The following CNTNAP2 variants were observed in gnomAD, a reference collection of about 807,000 sequenced individuals.
The protein encoded by CNTNAP2 is contactin-associated protein-like 2.
Under a neutral mutation model 155.2 loss-of-function variants are expected in CNTNAP2, and 98 were observed. That is an observed-to-expected ratio of 0.63 (90% CI 0.54 to 0.75). The LOEUF is 0.75. Ranked by LOEUF, CNTNAP2 falls within the 30% of genes least tolerant of loss-of-function variation. The pLI, the probability that CNTNAP2 is intolerant of heterozygous loss-of-function variation, is 0.00. For missense variants in CNTNAP2, 1,727 were observed against 1,688.1 expected, an observed-to-expected ratio of 1.02 and a Z score of -0.40; for synonymous variants, 651 against 631.2, an observed-to-expected ratio of 1.03 and a Z score of -0.47.
intron 12 of CNTNAP2, among the ~76,000 whole-genome samples, chr7:147,563,024 A>G (rs1441274030): frequency 5.3e-5 from 8 of 152,194 alleles, no homozygotes; most frequent in Non-Finnish European, 8.8e-5. Flanking sequence ...TACTGATGGT[A>G]GTTACTGAGT....
At position 146,760,409 on chromosome 7, in the gene CNTNAP2, C is replaced by CTTT. The variant is rs532820418; in HGVS notation, c.98-13831_98-13829dup. Among the ~76,000 whole-genome samples the CTTT allele has an allele frequency of 2.7e-3, 151 of 56,298 alleles. 15 individuals carry two copies. Among genetic ancestry groups the CTTT allele is most frequent in the African/African-American group, 4.3e-3 (51 of 11,804 alleles). 36.9% of individuals were successfully genotyped at this position (56,298 alleles called of 152,430 possible). On this transcript the variant is annotated intron_variant, in intron 1 of 23. Coordinates refer to ENST00000361727, the MANE Select transcript of CNTNAP2 (RefSeq NM_014141.6). The stretch of plus-strand genomic sequence containing the variant: ...CACCTCTGTATCATCTCCAATTTAC[C>CTTT]TTTTTTTTTTTTTTTTTTTTTTTTT...
chr7:148,363,862 A>T (rs1478511900), intron 21 of CNTNAP2, among the ~76,000 whole-genome samples: 3 of 122,664 alleles, frequency 2.4e-5, no homozygotes, highest in Admixed American at 7.6e-5. Flanking sequence ...GGCCAGCTGG[A>T]GTTCCGGGTG....
At position 147,247,364 on chromosome 7, in the gene CNTNAP2, T is replaced by C. The variant is rs147555434; in HGVS notation, c.1349-52777T>C. ...CTATAATGCCCATCAAAACAGTCAA[T>C]AAGAATCACAGATCTGTGGCACCAT... On this transcript the variant is annotated intron_variant, in intron 8 of 23. Transcript: ENST00000361727. 6.2e-3 allele frequency among the ~76,000 whole-genome samples: 941 copies of C among 152,254 alleles called. 7 individuals carry two copies. Among genetic ancestry groups the C allele is most frequent in the Non-Finnish European group, 0.01 (703 of 68,010 alleles).
Position 146,157,591 on chromosome 7 carries a change from C to T in CNTNAP2, c.97+40618C>T, listed in dbSNP as rs184147541. 2.6e-4 allele frequency among the ~76,000 whole-genome samples: 39 copies of T among 152,288 alleles called. No homozygotes were observed. In the East Asian group the frequency reaches 4.4e-3, roughly 17 times the overall value. ...AATGGCACACCAGGACATTATATCC[C>T]GTGCATGGCTTGGAGGGTCCCATGC... On this transcript the variant is annotated intron_variant, in intron 1 of 23. Coordinates refer to ENST00000361727, the MANE Select transcript of CNTNAP2 (RefSeq NM_014141.6).
chr7:146,417,351 C>G (rs1795951348), intron 1 of CNTNAP2, among the ~76,000 whole-genome samples: 1 of 152,270 alleles, frequency 6.6e-6, no homozygotes, highest in South Asian at 2.1e-4. Flanking sequence ...GATGTAGCAG[C>G]AATCTTTGTT....
intron 1 of CNTNAP2, among the ~76,000 whole-genome samples, chr7:146,612,801 A>G (rs1289053697): frequency 6.6e-6 from 1 of 152,128 alleles, no homozygotes. Flanking sequence ...TTAATCTGAA[A>G]AATTTTTTTA....
intron 2 of CNTNAP2, among the ~76,000 whole-genome samples, chr7:146,818,809 C>T (rs182374664): frequency 3.0e-4 from 45 of 151,860 alleles, no homozygotes; most frequent in Non-Finnish European, 6.2e-4. Flanking sequence ...ATAAGAAAAA[C>T]GATATCACAA....
intron 8 of CNTNAP2, among the ~76,000 whole-genome samples, chr7:147,159,625 A>C (rs10085609): frequency 0.11 from 16,906 of 152,162 alleles, 1,473 homozygotes; most frequent in African/African-American, 0.25. Context: ...GTTTTAGTCA[A>C]CCATATGTTC....
intron 5 of CNTNAP2, among the ~76,000 whole-genome samples, chr7:147,114,246 A>G (rs1284858352): frequency 1.3e-5 from 2 of 152,130 alleles, no homozygotes; most frequent in Admixed American, 6.6e-5. Flanking sequence ...CATCAATTTT[A>G]GAGTAAGTGC....
intron 9 of CNTNAP2, among the ~76,000 whole-genome samples, chr7:147,390,170 C>T (rs1212647260): frequency 6.6e-6 from 1 of 152,112 alleles, no homozygotes; most frequent in Non-Finnish European, 1.5e-5. Flanking sequence ...ATCAGAGATC[C>T]AACATCTTTA....
In CNTNAP2 at chr7:147,957,196, A is replaced by T. The variant is rs377113739; in HGVS notation, c.2256-20666A>T. 5.5e-4 allele frequency among the ~76,000 whole-genome samples: 84 copies of T among 152,334 alleles called. 2 individuals carry two copies. In the South Asian group the frequency reaches 0.017, roughly 30 times the overall value. ...ATTGACAGGAACTAAATGGGTTAGC[A>T]TGGGTTAGCAGAGAATGAGATGTAA... is the stretch of plus-strand genomic sequence containing the variant. On this transcript the variant is annotated intron_variant, in intron 14 of 23. Transcript: ENST00000361727.
chr7:146,235,472 G>A (rs1382651765), intron 1 of CNTNAP2, among the ~76,000 whole-genome samples: 1 of 152,110 alleles, frequency 6.6e-6, no homozygotes, highest in Non-Finnish European at 1.5e-5. Flanking sequence ...GATGTAGATA[G>A]AAAAGAAAAG....
Position 147,849,579 on chromosome 7 carries a change from A to T in CNTNAP2, c.2099-53986A>T, listed in dbSNP as rs1293272390. On this transcript the variant is annotated intron_variant, in intron 13 of 23. Coordinates refer to ENST00000361727, the MANE Select transcript of CNTNAP2 (RefSeq NM_014141.6). ...TAAGATGAATCACGTCTTTATTTTG[A>T]TAAGTATCCACAGGACACCCATTTG... Among the ~76,000 whole-genome samples the T allele has an allele frequency of 2.0e-5, 3 of 152,352 alleles. No individual in the cohort carries two copies. The South Asian group carries it at 6.2e-4, about 32-fold the overall frequency.
chr7:146,872,430 T>G (rs2129207509), intron 3 of CNTNAP2, among the ~76,000 whole-genome samples: 1 of 152,318 alleles, frequency 6.6e-6, no homozygotes, highest in East Asian at 1.9e-4. Flanking sequence ...TTTGTTGTCT[T>G]GTAAGGAGAA....
intron 1 of CNTNAP2, among the ~76,000 whole-genome samples, chr7:146,319,455 A>C (rs914029890): frequency 5.3e-5 from 8 of 152,162 alleles, no homozygotes; most frequent in Admixed American, 4.6e-4. Context: ...TCAACAAGAG[A>C]GATTTTAGTA....
chr7:148,308,263 A>G (rs1347003467), intron 21 of CNTNAP2, among the ~76,000 whole-genome samples: 2 of 152,092 alleles, frequency 1.3e-5, no homozygotes, highest in Non-Finnish European at 2.9e-5. Flanking sequence ...ATAGGATTAC[A>G]TATAATTATA....
Position 148,277,084 on chromosome 7 carries a change from A to G in CNTNAP2, c.3475+9958A>G, listed in dbSNP as rs550285347. Among the ~76,000 whole-genome samples the G allele has an allele frequency of 4.0e-5, 6 of 151,762 alleles. No individual in the cohort carries two copies. In the South Asian group the frequency reaches 1.3e-3, roughly 32 times the overall value. ...TTTCCCGTCCTCTGCTTCTTTCTATAAGGTGGGGACCAGGTGTACAGAATA... is the reference window on the plus strand; with the variant it reads ...TTTCCCGTCCTCTGCTTCTTTCTATGAGGTGGGGACCAGGTGTACAGAATA... On this transcript the variant is annotated intron_variant, in intron 21 of 23. Transcript: ENST00000361727.
At chr7:147,136,719 T>A (rs1429992696) in intron 8 of CNTNAP2, among the ~76,000 whole-genome samples, 1 of 151,960 alleles carries the variant, frequency 6.6e-6, no homozygotes, top group East Asian at 1.9e-4. Context: ...CTTTAAAAAA[T>A]TAATTTATAC....
chr7:147,377,906 G>T (rs6945709), intron 9 of CNTNAP2: 156,468 of 406,108 alleles, frequency 0.39, 33,456 homozygotes, highest in African/African-American at 0.61. Context: ...TTATAAAAAT[G>T]TTTAATTGGG....
Sources: allele counts gnomAD v4.1 joint callset (sites outside exome capture counted in the v4.1 genomes callset), GRCh38; gene constraint gnomAD v4.1.1; transcripts MANE v1.5; gene names NCBI Gene and HGNC (gene_info 2026-07-23, HGNC 2026-07-21).